The following KIAA2012 variants were observed in gnomAD, a reference collection of about 807,000 sequenced individuals.
KIAA2012 encodes uncharacterized protein KIAA2012.
A neutral mutation model predicts 150.6 loss-of-function variants in KIAA2012; 125 were observed. The observed-to-expected ratio is 0.83, with a 90% CI of 0.72 to 0.96. The LOEUF is 0.96. Ranked by LOEUF, KIAA2012 falls within the 40% of genes least tolerant of loss-of-function variation. KIAA2012 has a pLI of 0.00. For missense variants in KIAA2012, 1,219 were observed against 1,354.9 expected (o/e 0.90, Z 1.57); for synonymous variants, 462 against 504.7 (o/e 0.92, Z 1.13).
At chr2:202,188,001 A>C (rs1692262519) in intron 17 of KIAA2012, among the ~76,000 whole-genome samples, 151 bp from the exon 18 acceptor site, 1 of 152,278 alleles carries the variant, frequency 6.6e-6, no homozygotes, top group Admixed American at 6.5e-5. Flanking sequence ...TCGGCTCTGC[A>C]TTCTCTAAGA....
At chr2:202,109,549 C>A (rs1036953429) in intron 9 of KIAA2012, 64 bp from the exon 10 acceptor site, 3 of 1,371,558 alleles carry the variant, frequency 2.2e-6, no homozygotes, top group African/African-American at 1.5e-5. Flanking sequence ...TAGAAGAGAG[C>A]TTCCTTCTCC....
At chr2:202,096,864 G>A (rs1305991019) in intron 4 of KIAA2012, among the ~76,000 whole-genome samples, 1 of 152,214 alleles carries the variant, frequency 6.6e-6, no homozygotes, top group African/African-American at 2.4e-5. Context: ...GGAGTCATCT[G>A]TTGACTCAGA....
At chr2:202,118,466 T>C (rs982748250) in intron 11 of KIAA2012, among the ~76,000 whole-genome samples, 1 of 152,146 alleles carries the variant, frequency 6.6e-6, no homozygotes, top group Admixed American at 6.5e-5. Flanking sequence ...TAGATGTGCT[T>C]GCATGAGATT....
Position 202,105,759 on chromosome 2 carries a change from AGGT to A in KIAA2012, c.1325_1327del (p.Gly442del). The A allele has an allele frequency of 6.5e-7, 1 of 1,550,236 alleles. No homozygotes were observed. Among genetic ancestry groups the A allele is most frequent in the South Asian group, 1.2e-5 (1 of 84,004 alleles). ...CAATTCAGCCTCCTCTTTGTCTCCT[AGGT>A]GCTCCACACCCTGAGTCAGAACCAG... On this transcript the variant is annotated splice_acceptor_variant and coding_sequence_variant, in exon 9 of 24. Coordinates refer to ENST00000498697, the MANE Select transcript of KIAA2012 (RefSeq NM_001277372.4). LOFTEE classifies it high-confidence loss of function.
Position 202,196,237 on chromosome 2 carries a change from A to C in KIAA2012, c.3188-563A>C, listed in dbSNP as rs553531140. Among the ~76,000 whole-genome samples the C allele has an allele frequency of 3.4e-4, 40 of 118,550 alleles. No homozygotes were observed. In the South Asian group the frequency reaches 8.0e-3, roughly 24 times the overall value. 77.8% of individuals were successfully genotyped at this position (118,550 alleles called of 152,430 possible). On this transcript the variant is annotated intron_variant, in intron 21 of 23. Transcript: ENST00000498697. Reference sequence around the variant, plus strand: ...TGAGACAGAGTCTCGCTCTGTCGCCAAGGCTTGAGTGCAACGGCGCGATCT... The same window carrying C: ...TGAGACAGAGTCTCGCTCTGTCGCCCAGGCTTGAGTGCAACGGCGCGATCT...
At chr2:202,117,355 C>G (rs1690552649) in intron 11 of KIAA2012, among the ~76,000 whole-genome samples, 1 of 152,206 alleles carries the variant, frequency 6.6e-6, no homozygotes. Context: ...AGTGACTGTT[C>G]TCCCATTTTT....
intron 2 of KIAA2012, among the ~76,000 whole-genome samples, chr2:202,081,312 G>T (rs1189819182): frequency 6.6e-6 from 1 of 152,074 alleles, no homozygotes; most frequent in Non-Finnish European, 1.5e-5. Flanking sequence ...TATAAACATG[G>T]ATGTACAAAT....
chr2:202,169,253 T>C (rs1295182629), intron 15 of KIAA2012, among the ~76,000 whole-genome samples: 4 of 152,194 alleles, frequency 2.6e-5, no homozygotes, highest in Non-Finnish European at 5.9e-5. Context: ...TGAATGAATA[T>C]GCTAAGTATT....
At chr2:202,079,108 T>C (rs1312676125) in intron 2 of KIAA2012, among the ~76,000 whole-genome samples, 4 of 152,124 alleles carry the variant, frequency 2.6e-5, no homozygotes, top group African/African-American at 4.8e-5. Context: ...GATACATTTC[T>C]TTTTACCAAA....
At chr2:202,122,564 G>A (rs916066228) in intron 11 of KIAA2012, among the ~76,000 whole-genome samples, 8 of 147,310 alleles carry the variant, frequency 5.4e-5, no homozygotes, top group East Asian at 4.0e-4. Context: ...GCAGTGGCAC[G>A]ATCTCGGCTC....
chr2:202,201,005 C>A (rs1279938088), intron 22 of KIAA2012, among the ~76,000 whole-genome samples: 1 of 152,102 alleles, frequency 6.6e-6, no homozygotes, highest in Non-Finnish European at 1.5e-5. Context: ...CGCGCCTGGC[C>A]GTAATTTGGC....
chr2:202,157,230 G>A (rs1174209233), intron 14 of KIAA2012, among the ~76,000 whole-genome samples: 1 of 152,204 alleles, frequency 6.6e-6, no homozygotes, highest in Non-Finnish European at 1.5e-5. Flanking sequence ...CCTTATGGAT[G>A]TGGTAGCTCC....
chr2:202,087,510 CAAAAAAAAA>C (rs59728832), intron 2 of KIAA2012, among the ~76,000 whole-genome samples: 13 of 52,524 alleles, frequency 2.5e-4, no homozygotes, highest in African/African-American at 1.0e-3. Flanking sequence ...GAAACCATCT[CAAAAAAAAA>C]AAAAAAAAAA....
chr2:202,089,148 G>A (rs540794010), intron 2 of KIAA2012, among the ~76,000 whole-genome samples: 10 of 152,334 alleles, frequency 6.6e-5, no homozygotes, highest in Middle Eastern at 3.4e-3. Flanking sequence ...GAGATTTGGT[G>A]CCTACAAAAT....
At chr2:202,124,413 A>C (rs546286635) in intron 11 of KIAA2012, among the ~76,000 whole-genome samples, 53 of 152,210 alleles carry the variant, frequency 3.5e-4, no homozygotes, top group Admixed American at 1.6e-3. Context: ...AGGGGCTGTG[A>C]AAAAGCCTGT....
chr2:202,160,470 T>G (rs367787117), intron 14 of KIAA2012, among the ~76,000 whole-genome samples: 1 of 152,032 alleles, frequency 6.6e-6, no homozygotes, highest in Non-Finnish European at 1.5e-5. Context: ...CCCGCCACCA[T>G]GCCCAGCTGA....
chr2:202,130,601 G>A (rs1325222585), intron 12 of KIAA2012, among the ~76,000 whole-genome samples: 1 of 152,136 alleles, frequency 6.6e-6, no homozygotes. Flanking sequence ...AGACATTTAT[G>A]TTGTCTTCTC....
intron 13 of KIAA2012, among the ~76,000 whole-genome samples, chr2:202,145,422 T>C (rs1420491981): frequency 1.3e-5 from 2 of 152,222 alleles, no homozygotes; most frequent in Non-Finnish European, 2.9e-5. Context: ...GCTAATTTCC[T>C]GAGAGGGGTT....
Position 202,199,725 on chromosome 2 carries a change from A to G in KIAA2012, c.3408-2704A>G, listed in dbSNP as rs534168394. 2.6e-5 allele frequency among the ~76,000 whole-genome samples: 4 copies of G among 152,274 alleles called. No individual in the cohort carries two copies. In the South Asian group the frequency reaches 8.3e-4, roughly 32 times the overall value. ...ACCCTAATGAGATTTCACTGGATTCAAGTCGTTTTGTAGTGAGGCATTCAC... is the reference window on the plus strand; with the variant it reads ...ACCCTAATGAGATTTCACTGGATTCGAGTCGTTTTGTAGTGAGGCATTCAC... On this transcript the variant is annotated intron_variant, in intron 22 of 23. Coordinates refer to ENST00000498697, the MANE Select transcript of KIAA2012 (RefSeq NM_001277372.4).
Sources: gnomAD v4.1 joint callset for allele counts (sites outside exome capture counted in the v4.1 genomes callset) on GRCh38, gnomAD v4.1.1 for gene constraint, MANE v1.5 for transcripts, NCBI Gene and HGNC (gene_info 2026-07-23, HGNC 2026-07-21) for gene names.